ABCB4: variants seen among roughly 807,000 people sequenced by gnomAD.
ABCB4 encodes the protein phosphatidylcholine translocator ABCB4.
A neutral mutation model predicts 145.7 loss-of-function variants in ABCB4; 76 were observed. The observed-to-expected ratio is 0.52, with a 90% CI of 0.43 to 0.63. ABCB4 has a LOEUF of 0.63. Ranked by LOEUF, ABCB4 falls within the 30% of genes least tolerant of loss-of-function variation. ABCB4 has a pLI of 0.00. For synonymous variants in ABCB4, 517 were observed against 566.8 expected, an observed-to-expected ratio of 0.91 and a Z score of 1.25; for missense variants, 1,234 against 1,553.1, an observed-to-expected ratio of 0.79 and a Z score of 3.45.
the ABCB4 span, among the ~76,000 whole-genome samples, chr7:87,387,969 G>A: frequency 6.6e-6 from 1 of 152,164 alleles, no homozygotes; most frequent in South Asian, 2.1e-4. Context: ...TAGGACTGGA[G>A]CTGGGTTAAA....
chr7:87,433,661 A>G (rs1390738485), intron 14 of ABCB4, among the ~76,000 whole-genome samples: 2 of 151,030 alleles, frequency 1.3e-5, no homozygotes, highest in African/African-American at 2.4e-5. Flanking sequence ...GCTTTGACAC[A>G]AAAAATTGTT....
chr7:87,446,907 G>T, intron 9 of ABCB4, 127 bp downstream of exon 9: 2 of 861,522 alleles, frequency 2.3e-6, no homozygotes, highest in Non-Finnish European at 1.8e-6. Context: ...ACAGTGGAAA[G>T]ATTCACCAAA....
chr7:87,454,371 C>G (rs1287568548), intron 5 of ABCB4, among the ~76,000 whole-genome samples, 164 bp downstream of exon 5: 1 of 152,066 alleles, frequency 6.6e-6, no homozygotes, highest in African/African-American at 2.4e-5. Flanking sequence ...AGTAAAGGGC[C>G]ATGATGTGTG....
chr7:87,379,004 A>C, the ABCB4 span, among the ~76,000 whole-genome samples: 1 of 152,218 alleles, frequency 6.6e-6, no homozygotes, highest in Non-Finnish European at 1.5e-5. Context: ...TACTGTTGAC[A>C]GAATAGTTCT....
intron 3 of ABCB4, among the ~76,000 whole-genome samples, chr7:87,468,136 G>T (rs576340165): frequency 6.6e-6 from 1 of 152,250 alleles, no homozygotes; most frequent in Admixed American, 6.5e-5. Context: ...CAACAAAATT[G>T]ATTGACTGCT....
the ABCB4 span, chr7:87,375,662 T>C: frequency 6.2e-7 from 1 of 1,613,480 alleles, no homozygotes; most frequent in Non-Finnish European, 8.5e-7. Flanking sequence ...AGAAGTGCCA[T>C]AGTGAACCTG....
At chr7:87,372,098 A>G in the ABCB4 span, among the ~76,000 whole-genome samples, 1 of 151,244 alleles carries the variant, frequency 6.6e-6, no homozygotes, top group Non-Finnish European at 1.5e-5. Flanking sequence ...ATCCCTCATT[A>G]CAAGTGAGGT....
chr7:87,470,130 A>G (rs1420903449), intron 3 of ABCB4, among the ~76,000 whole-genome samples: 2 of 152,252 alleles, frequency 1.3e-5, no homozygotes, highest in African/African-American at 4.8e-5. Flanking sequence ...AGGATTCCCT[A>G]TTTAACAAAT....
At chr7:87,452,678 G>A (rs1376498131) in intron 6 of ABCB4, 5 of 513,580 alleles carry the variant, frequency 9.7e-6, no homozygotes, top group Middle Eastern at 5.3e-4. Context: ...CACCTGTCAC[G>A]TCCTGCAGTA....
the ABCB4 span, among the ~76,000 whole-genome samples, chr7:87,378,431 C>T: frequency 2.0e-5 from 3 of 151,616 alleles, no homozygotes; most frequent in South Asian, 2.1e-4. Flanking sequence ...CTAGCGTTAG[C>T]GTAAGAAGAT....
chr7:87,472,626 T>C lies in ABCB4; in HGVS notation c.130A>G (p.Thr44Ala), dbSNP rs1032425511. The C allele has an allele frequency of 1.9e-6, 3 of 1,608,312 alleles. No homozygotes were observed. The highest frequency in any genetic ancestry group is 2.6e-6 in the Non-Finnish European group (3 of 1,175,028). The stretch of plus-strand genomic sequence containing the variant: ...TTTAACATTTCACAGCTTACCAATG[T>C]TAATACTCCAATCATTTTCACTGTC... ...TKTVKMIGVL[T>A]LFRYSDWQDK... The change falls in exon 3 of 28, where the codon ACA becomes GCA. Residue 44 changes from threonine (T) to alanine (A), a missense_variant. Around this residue, in one of 7 missense-constraint regions of ABCB4, gnomAD observed 77 missense variants for 73.3 expected, o/e 1.05. Coordinates refer to ENST00000649586, the MANE Select transcript of ABCB4 (RefSeq NM_000443.4).
chr7:87,451,858 A>C (rs1811754871), intron 6 of ABCB4, 64 bp from the exon 7 acceptor site: 4 of 1,511,652 alleles, frequency 2.6e-6, no homozygotes, highest in East Asian at 4.5e-5. Context: ...TGAAGTAGAC[A>C]TCCAACAAAC....
the ABCB4 span, among the ~76,000 whole-genome samples, chr7:87,370,222 G>C: frequency 5.4e-3 from 822 of 152,058 alleles, 4 homozygotes; most frequent in Middle Eastern, 0.031. Context: ...CTTGCTTTGT[G>C]TCCAGGCTGG....
chr7:87,390,254 A>T, the ABCB4 span, among the ~76,000 whole-genome samples: 9 of 152,282 alleles, frequency 5.9e-5, no homozygotes, highest in Non-Finnish European at 1.0e-4. Flanking sequence ...ATCTTTTAAG[A>T]TTAAGAGTGT....
chr7:87,463,244 T>G (rs563853286), intron 3 of ABCB4, among the ~76,000 whole-genome samples: 1 of 130,618 alleles, frequency 7.7e-6, no homozygotes, highest in African/African-American at 3.7e-5. Flanking sequence ...ACATTAAGTT[T>G]AAACACACAC....
intron 15 of ABCB4, among the ~76,000 whole-genome samples, chr7:87,428,794 A>G (rs17149586): frequency 0.015 from 2,299 of 152,332 alleles, 56 homozygotes; most frequent in African/African-American, 0.052. Context: ...ATTTGAAGAT[A>G]CTGTTTAACT....
intron 7 of ABCB4, among the ~76,000 whole-genome samples, chr7:87,450,468 AT>A (rs373293934): frequency 0.032 from 4,162 of 131,152 alleles, 59 homozygotes; most frequent in Admixed American, 0.072. Context: ...TTGTGTCACA[AT>A]TTTTTTTTTT....
the ABCB4 span, among the ~76,000 whole-genome samples, chr7:87,372,351 T>C: frequency 6.6e-6 from 1 of 152,236 alleles, no homozygotes; most frequent in Non-Finnish European, 1.5e-5. Context: ...TTTTAATCAT[T>C]TGCTTTTGTA....
chr7:87,420,156 T>C (rs992385435), intron 18 of ABCB4, 81 bp from the exon 19 acceptor site: 3 of 1,335,986 alleles, frequency 2.2e-6, no homozygotes, highest in African/African-American at 2.9e-5. Flanking sequence ...AACTTTTATG[T>C]AGCAAAGTTA....
Sources: allele counts gnomAD v4.1 joint callset (sites outside exome capture counted in the v4.1 genomes callset), GRCh38; gene constraint gnomAD v4.1.1; regional missense constraint gnomAD v4.1.1; transcripts MANE v1.5; gene names NCBI Gene and HGNC (gene_info 2026-07-23, HGNC 2026-07-21).